Variants in ITGA8 observed in about 807,000 individuals in gnomAD.
ITGA8 encodes integrin alpha-8.
A neutral mutation model predicts 142.3 loss-of-function variants in ITGA8; 91 were observed. The observed-to-expected ratio is 0.64, with a 90% CI of 0.54 to 0.76. ITGA8 has a LOEUF of 0.76. Among genes scored for constraint, ITGA8 ranks in the 30% least tolerant of loss-of-function variants. The pLI, the probability that ITGA8 is intolerant of heterozygous loss-of-function variation, is 0.00. For synonymous variants in ITGA8, 505 were observed against 485.2 expected, an observed-to-expected ratio of 1.04 and a Z score of -0.54; for missense variants, 1,406 against 1,327.7, an observed-to-expected ratio of 1.06 and a Z score of -0.92.
At chr10:15,716,581 CAT>C (rs1056915702) in intron 2 of ITGA8, among the ~76,000 whole-genome samples, 7 of 152,048 alleles carry the variant, frequency 4.6e-5, no homozygotes, top group African/African-American at 1.7e-4. Flanking sequence ...AACCAAAGCA[CAT>C]CTTTCAGCAT....
chr10:15,548,619 T>C, intron 26 of ITGA8, 51 bp from the exon 27 acceptor site: 1 of 1,134,652 alleles, frequency 8.8e-7, no homozygotes, highest in Non-Finnish European at 1.3e-6. Flanking sequence ...TGGTAGAGAC[T>C]GAACACTGAA....
chr10:15,663,661 C>A lies in ITGA8; in HGVS notation c.848-2739G>T, dbSNP rs187902467. Among the ~76,000 whole-genome samples, 11 of 152,092 alleles carry A rather than the reference C, an allele frequency of 7.2e-5. No homozygotes were observed. The East Asian group carries it at 1.7e-3, about 24-fold the overall frequency. On this transcript the variant is annotated intron_variant, in intron 8 of 29. Transcript: ENST00000378076. ...ATGACTTACTTCAACCTTGACCTCA[C>A]AGGGTCAAGTGATCCTCCTGCCTCA...
chr10:15,545,800 G>T (rs1305164789), intron 27 of ITGA8, among the ~76,000 whole-genome samples: 1 of 152,028 alleles, frequency 6.6e-6, no homozygotes, highest in East Asian at 1.9e-4. Flanking sequence ...TTACTGTGTA[G>T]TATTGCTTTG....
chr10:15,565,605 T>TTTTTTTA (rs1834064228), intron 25 of ITGA8, among the ~76,000 whole-genome samples: 1 of 138,132 alleles, frequency 7.2e-6, no homozygotes. Context: ...TTTTTTTTTT[T>TTTTTTTA]TTGAGACAGA....
chr10:15,636,645 C>T (rs1389477317), intron 13 of ITGA8, among the ~76,000 whole-genome samples: 1 of 152,140 alleles, frequency 6.6e-6, no homozygotes, highest in Non-Finnish European at 1.5e-5. Flanking sequence ...CCTCCTGCCA[C>T]CTCCTCTCCC....
chr10:15,637,645 G>C (rs535597710), intron 13 of ITGA8, among the ~76,000 whole-genome samples: 4 of 151,714 alleles, frequency 2.6e-5, no homozygotes, highest in Non-Finnish European at 5.9e-5. Context: ...CCAAGTAGCT[G>C]GAACTGCAGG....
At chr10:15,638,963 C>T (rs1026533012) in intron 13 of ITGA8, among the ~76,000 whole-genome samples, 1 of 151,246 alleles carries the variant, frequency 6.6e-6, no homozygotes, top group African/African-American at 2.4e-5. Flanking sequence ...CCTGTCTCTA[C>T]AAAAAAAATC....
At chr10:15,544,088 A>T (rs59690500) in intron 27 of ITGA8, among the ~76,000 whole-genome samples, 8,358 of 152,244 alleles carry the variant, frequency 0.055, 735 homozygotes, top group African/African-American at 0.19. Context: ...GGAAGCCAGG[A>T]GTTTGAGACC....
chr10:15,601,666 A>G (rs1335497947), intron 20 of ITGA8, among the ~76,000 whole-genome samples: 1 of 152,214 alleles, frequency 6.6e-6, no homozygotes, highest in African/African-American at 2.4e-5. Flanking sequence ...TTAAGGAGAA[A>G]AATCACCAAA....
intron 22 of ITGA8, among the ~76,000 whole-genome samples, chr10:15,589,193 A>G (rs1369418634): frequency 5.9e-5 from 9 of 152,176 alleles, no homozygotes; most frequent in African/African-American, 2.2e-4. Context: ...CATGTTTTTC[A>G]CTTTATTACT....
At position 15,605,794 on chromosome 10, in the gene ITGA8, G is replaced by A. The variant is rs1833184597; in HGVS notation, c.1903-3C>T. On this transcript the variant is annotated splice_polypyrimidine_tract_variant and splice_region_variant and intron_variant, in intron 18 of 29. Transcript: ENST00000378076. ...CCACAGTCCACCAGAATGTGAGCCT[G>A]TGTTGTATAAACGCACGTCAGGAAC... is the stretch of plus-strand genomic sequence containing the variant. 6.2e-7 allele frequency: 1 copy of A among 1,612,996 alleles called. No homozygotes were observed. Among genetic ancestry groups the A allele is most frequent in the African/African-American group, 1.3e-5 (1 of 74,904 alleles).
chr10:15,607,512 G>C (rs1415363503), intron 17 of ITGA8, among the ~76,000 whole-genome samples, 165 bp downstream of exon 17: 1 of 152,182 alleles, frequency 6.6e-6, no homozygotes, highest in Admixed American at 6.5e-5. Context: ...GTTGAAGTCA[G>C]GGTCAAGAGG....
chr10:15,677,447 A>G (rs1834651628), intron 6 of ITGA8, 145 bp downstream of exon 6: 1 of 631,602 alleles, frequency 1.6e-6, no homozygotes, highest in African/African-American at 1.9e-5. Context: ...TAAAAGCAAA[A>G]AAAAGAAATA....
intron 28 of ITGA8, among the ~76,000 whole-genome samples, chr10:15,526,489 T>G (rs1029505691): frequency 4.6e-5 from 7 of 152,134 alleles, no homozygotes; most frequent in African/African-American, 1.7e-4. Flanking sequence ...TATAAGATTC[T>G]TTTACCAAGA....
Position 15,633,271 on chromosome 10 carries a change from T to G in ITGA8, c.1399+10759A>C, listed in dbSNP as rs1833714534. Among the ~76,000 whole-genome samples the G allele has an allele frequency of 3.9e-5, 6 of 152,250 alleles. No homozygotes were observed. The South Asian group carries it at 8.3e-4, about 21-fold the overall frequency. On this transcript the variant is annotated intron_variant, in intron 13 of 29. Coordinates refer to ENST00000378076, the MANE Select transcript of ITGA8 (RefSeq NM_003638.3). ...TTGAAAAAACTAGGAAGCATTTCCT[T>G]TAACTTATATATAGAATTTCCTTTT...
chr10:15,698,914 A>C (rs59131259), intron 2 of ITGA8, among the ~76,000 whole-genome samples: 25,946 of 152,074 alleles, frequency 0.17, 2,333 homozygotes, highest in Middle Eastern at 0.24. Context: ...TTTTCAGTTT[A>C]ATTAAGTCCC....
chr10:15,713,971 A>G (rs1435166655), intron 2 of ITGA8, among the ~76,000 whole-genome samples: 1 of 152,074 alleles, frequency 6.6e-6, no homozygotes, highest in Non-Finnish European at 1.5e-5. Context: ...CCAAATCTCA[A>G]TGGCACCTCC....
intron 2 of ITGA8, among the ~76,000 whole-genome samples, chr10:15,692,322 C>G (rs942978814): frequency 6.6e-6 from 1 of 152,074 alleles, no homozygotes; most frequent in Non-Finnish European, 1.5e-5. Flanking sequence ...AAGAGCATGA[C>G]TCCCATTAGA....
intron 20 of ITGA8, among the ~76,000 whole-genome samples, chr10:15,600,204 G>T (rs1223154511): frequency 6.6e-6 from 1 of 151,866 alleles, no homozygotes; most frequent in Non-Finnish European, 1.5e-5. Flanking sequence ...TTGGTGTGCT[G>T]CACCCATTAA....
Sources: allele counts gnomAD v4.1 joint callset (sites outside exome capture counted in the v4.1 genomes callset), GRCh38; gene constraint gnomAD v4.1.1; transcripts MANE v1.5; gene names NCBI Gene and HGNC (gene_info 2026-07-23, HGNC 2026-07-21).